The following SYNE2 variants were observed in gnomAD, a reference collection of about 807,000 sequenced individuals.
SYNE2 encodes the protein nesprin-2.
SYNE2 carries 431 observed loss-of-function variants against 856.3 expected under a neutral mutation model. That is an observed-to-expected ratio of 0.50 (90% CI 0.47 to 0.55). The LOEUF is 0.55. Among genes scored for constraint, SYNE2 ranks in the 20% least tolerant of loss-of-function variants. The probability of loss-of-function intolerance (pLI) is 0.00; values close to 1 mark genes in which losing one functional copy is unlikely to be tolerated. For synonymous variants in SYNE2, 2,923 were observed against 2,872.3 expected (o/e 1.02, Z -0.56); for missense variants, 8,129 against 8,023.2 (o/e 1.01, Z -0.50).
chr14:64,175,626 T>C (rs1343305966), intron 95 of SYNE2, among the ~76,000 whole-genome samples: 1 of 152,224 alleles, frequency 6.6e-6, no homozygotes, highest in Non-Finnish European at 1.5e-5. Context: ...ACTTTGAACC[T>C]GTGGCCCTCC....
intron 45 of SYNE2, 31 bp from the exon 46 acceptor site, chr14:64,047,969 A>T: frequency 1.2e-6 from 2 of 1,609,240 alleles, no homozygotes; most frequent in Non-Finnish European, 1.7e-6. Context: ...AAAGTAGACT[A>T]TTCAGCAATT....
intron 51 of SYNE2, among the ~76,000 whole-genome samples, 176 bp from the exon 52 acceptor site, chr14:64,070,469 G>T (rs779167217): frequency 6.6e-6 from 1 of 152,194 alleles, no homozygotes; most frequent in African/African-American, 2.4e-5. Context: ...AGCAATAGCT[G>T]GGCATTATGG....
At chr14:64,165,489 A>C in intron 90 of SYNE2, 79 bp downstream of exon 90, 1 of 1,477,730 alleles carries the variant, frequency 6.8e-7, no homozygotes, top group Non-Finnish European at 9.4e-7. Context: ...CTGTGAACTT[A>C]TGGAATGCTT....
chr14:63,822,517 ACCAGTTAGAGCTAACAAGGTGAC>A (rs959784775), intron 1 of SYNE2, among the ~76,000 whole-genome samples: 1 of 133,996 alleles, frequency 7.5e-6, no homozygotes, highest in African/African-American at 2.6e-5. Flanking sequence ...AGGCAGTGAT[ACCAGTTAGAGCTAACAAGGTGAC>A]CCACCTTGTT....
intron 72 of SYNE2, 27 bp from the exon 73 acceptor site, chr14:64,126,571 C>A: frequency 6.2e-7 from 1 of 1,614,178 alleles, no homozygotes; most frequent in Middle Eastern, 1.6e-4. Flanking sequence ...AGAGCTCATT[C>A]ATTGTCTTCC....
intron 43 of SYNE2, among the ~76,000 whole-genome samples, chr14:64,028,046 A>G (rs867718018): frequency 6.6e-6 from 1 of 151,930 alleles, no homozygotes; most frequent in Non-Finnish European, 1.5e-5. Flanking sequence ...TTGGGACTAC[A>G]GGCATGTGCC....
intron 49 of SYNE2, among the ~76,000 whole-genome samples, chr14:64,059,953 A>G (rs1442323699): frequency 6.6e-6 from 1 of 152,116 alleles, no homozygotes; most frequent in African/African-American, 2.4e-5. Flanking sequence ...GCCCACAGAA[A>G]GTACTGCCAG....
intron 37 of SYNE2, among the ~76,000 whole-genome samples, chr14:64,022,386 A>T (rs1437252036): frequency 1.3e-5 from 2 of 152,162 alleles, no homozygotes; most frequent in Non-Finnish European, 2.9e-5. Flanking sequence ...AAAATACACT[A>T]CAATTATTTG....
intron 65 of SYNE2, among the ~76,000 whole-genome samples, chr14:64,110,235 G>T (rs553407333): frequency 6.6e-6 from 1 of 152,280 alleles, no homozygotes; most frequent in East Asian, 1.9e-4. Context: ...TGTAGCAATA[G>T]CCAGAAAATC....
chr14:64,210,150 G>A (rs926733959), intron 103 of SYNE2, 26 bp downstream of exon 103: 2 of 1,610,798 alleles, frequency 1.2e-6, no homozygotes, highest in Admixed American at 1.7e-5. Context: ...CCTGGCTCGG[G>A]TGTAGATTTT....
intron 103 of SYNE2, among the ~76,000 whole-genome samples, 161 bp downstream of exon 103, chr14:64,210,285 C>T (rs1227483914): frequency 6.6e-6 from 1 of 152,348 alleles, no homozygotes; most frequent in African/African-American, 2.4e-5. Context: ...AAGCTGCCAA[C>T]GTTCGTTTTT....
Position 64,165,515 on chromosome 14 carries a change from C to CTTTT in SYNE2, c.16605+107_16605+108insTTTT. On this transcript the variant is annotated intron_variant, in intron 90 of 115. Coordinates refer to ENST00000555002, the MANE Select transcript of SYNE2 (RefSeq NM_182914.3). Reference sequence around the variant, plus strand: ...TGGAATGCTTGCATCCTAACTCACTCTTATTTTTTTTTTTTGAGACGGACT... The same window carrying CTTTT: ...TGGAATGCTTGCATCCTAACTCACTCTTTTTTATTTTTTTTTTTTGAGACGGACT... 2.3e-6 allele frequency: 3 copies of CTTTT among 1,289,172 alleles called. 1 individual carries two copies. Among genetic ancestry groups the CTTTT allele is most frequent in the Admixed American group, 3.9e-5 (2 of 51,296 alleles). The allele number at this position is 1,289,172 out of a possible 1,614,324, so 79.9% of individuals were successfully genotyped here. A position where few individuals can be genotyped will look rare whatever the true frequency, so the allele number is the denominator to read the frequency against.
intron 1 of SYNE2, among the ~76,000 whole-genome samples, chr14:63,889,233 T>C (rs750556512): frequency 7.3e-5 from 11 of 151,502 alleles, no homozygotes; most frequent in Admixed American, 2.6e-4. Context: ...TCCTCTTAAA[T>C]ACAATGTATA....
intron 113 of SYNE2, 50 bp downstream of exon 113, chr14:64,223,430 G>A (rs1221683979): frequency 6.2e-7 from 1 of 1,600,472 alleles, no homozygotes; most frequent in East Asian, 2.2e-5. Context: ...ATTACATGCA[G>A]ACAGGACAGC....
Position 64,029,480 on chromosome 14 carries a change from T to A in SYNE2, c.6715-415T>A, listed in dbSNP as rs75125682. On this transcript the variant is annotated intron_variant, in intron 43 of 115. Transcript: ENST00000555002. The stretch of plus-strand genomic sequence containing the variant: ...TGATTCTTAAGACATGAATCTGAGG[T>A]TAGTTTGATCTCATATGGTCTCATT... Among the ~76,000 whole-genome samples, 376 of 152,298 alleles carry A rather than the reference T, an allele frequency of 2.5e-3. 5 individuals are homozygous for A. Among genetic ancestry groups the A allele is most frequent in the South Asian group, 0.015 (74 of 4,828 alleles).
In SYNE2 at chr14:64,163,597, C is replaced by T. The variant is rs1430719020; in HGVS notation, c.16479+16C>T. The T allele has an allele frequency of 1.2e-6, 2 of 1,613,678 alleles. No individual in the cohort carries two copies. Among genetic ancestry groups the T allele is most frequent in the Non-Finnish European group, 1.7e-6 (2 of 1,179,936 alleles). ...TGAATTTGAGGTTCATCTTTTCTTT[C>T]CATTCAAGTTTTAGTCTTAGACATT... On this transcript the variant is annotated intron_variant, in intron 89 of 115. Coordinates refer to ENST00000555002, the MANE Select transcript of SYNE2 (RefSeq NM_182914.3).
At position 63,981,169 on chromosome 14, in the gene SYNE2, A is replaced by C. The variant is rs758448111; in HGVS notation, c.1832A>C (p.Lys611Thr). Residue 611 changes from lysine (K) to threonine (T), a missense_variant, in exon 16 of 116, where the codon AAA (lysine) becomes ACA (threonine). Transcript: ENST00000555002. ...GAGGAGACAAAGAAGGAAGAAATTA[A>C]AGAGGTATTTGCAGTCTAATAGCAT... ...CFEETKKEEI[K>T]EVPFETLAQW... The C allele has an allele frequency of 6.2e-7, 1 of 1,613,050 alleles. No homozygotes were observed. Among genetic ancestry groups the C allele is most frequent in the Non-Finnish European group, 8.5e-7 (1 of 1,179,178 alleles).
chr14:63,993,995 CT>C (rs762263798), intron 22 of SYNE2, 26 bp downstream of exon 22: 1 of 1,611,828 alleles, frequency 6.2e-7, no homozygotes, highest in Non-Finnish European at 8.5e-7. Flanking sequence ...TGTTTCTGAA[CT>C]TACGTTTTTA....
intron 67 of SYNE2, 82 bp from the exon 68 acceptor site, chr14:64,120,845 A>C: frequency 7.0e-7 from 1 of 1,423,486 alleles, no homozygotes; most frequent in South Asian, 1.2e-5. Context: ...AAATTTTTCT[A>C]TGTAGTCCCA....
Sources: allele counts gnomAD v4.1 joint callset (sites outside exome capture counted in the v4.1 genomes callset), GRCh38; gene constraint gnomAD v4.1.1; transcripts MANE v1.5; gene names NCBI Gene and HGNC (gene_info 2026-07-23, HGNC 2026-07-21).